Variants in PCDHA2 observed in about 807,000 individuals in gnomAD.
PCDHA2 encodes the protein protocadherin alpha-2.
PCDHA2 carries 58 observed loss-of-function variants against 66.0 expected under a neutral mutation model. The ratio of observed to expected loss-of-function variants is 0.88; its 90% confidence interval spans 0.71 to 1.09. The LOEUF (loss-of-function observed/expected upper bound fraction) is 1.09. Ranked by LOEUF, PCDHA2 falls within the 50% of genes least tolerant of loss-of-function variation. The pLI, the probability that PCDHA2 is intolerant of heterozygous loss-of-function variation, is 0.00. For missense variants in PCDHA2, 1,267 were observed against 1,242.3 expected, an observed-to-expected ratio of 1.02 and a Z score of -0.30; for synonymous variants, 634 against 554.0, an observed-to-expected ratio of 1.14 and a Z score of -2.03.
Position 140,877,800 on chromosome 5 carries a change from T to G in PCDHA2, c.2388+80448T>G. 2.5e-6 allele frequency: 4 copies of G among 1,613,522 alleles called. No homozygotes were observed. In the Middle Eastern group the frequency reaches 5.0e-4, roughly 200 times the overall value. On this transcript the variant is annotated intron_variant, in intron 1 of 3. Transcript: ENST00000526136. ...ACCTCATGGCCTTCAGCCCAAGCCT[T>G]CAGCTGTCTCGAGAAGATTGTTTAA...
chr5:140,848,093 T>G, intron 1 of PCDHA2: 1 of 167,516 alleles, frequency 6.0e-6, no homozygotes, highest in South Asian at 1.6e-4. Context: ...AAGTGGAGAG[T>G]TTTCTCAGGG....
At chr5:140,942,663 A>G (rs2153659608) in intron 1 of PCDHA2, among the ~76,000 whole-genome samples, 1 of 152,294 alleles carries the variant, frequency 6.6e-6, no homozygotes, top group African/African-American at 2.4e-5. Context: ...AAAAGCAATA[A>G]GCACAAAAGT....
At chr5:140,868,965 G>A (rs2050767308) in intron 1 of PCDHA2, 1 of 1,430,146 alleles carries the variant, frequency 7.0e-7, no homozygotes, top group Non-Finnish European at 9.4e-7. Flanking sequence ...CCATACAAAG[G>A]AACTCCATCA....
At chr5:140,941,259 T>TTCTTTCTTTCTTTCTTTC (rs2092988682) in intron 1 of PCDHA2, among the ~76,000 whole-genome samples, 1 of 121,734 alleles carries the variant, frequency 8.2e-6, no homozygotes, top group Non-Finnish European at 1.8e-5. Flanking sequence ...TTCTTTCTCT[T>TTCTTTCTTTCTTTCTTTC]TCTTTCTTTC....
chr5:140,922,790 C>G (rs1174493923), intron 1 of PCDHA2, among the ~76,000 whole-genome samples: 3 of 152,074 alleles, frequency 2.0e-5, no homozygotes, highest in African/African-American at 7.2e-5. Flanking sequence ...AAAACTGTAG[C>G]TTTGGAATAC....
At chr5:140,930,993 C>T (rs1275430453) in intron 1 of PCDHA2, among the ~76,000 whole-genome samples, 1 of 152,140 alleles carries the variant, frequency 6.6e-6, no homozygotes, top group African/African-American at 2.4e-5. Flanking sequence ...TCATGACCTA[C>T]ACTAATAACA....
intron 1 of PCDHA2, among the ~76,000 whole-genome samples, chr5:140,800,565 T>A (rs1332070290): frequency 2.0e-5 from 3 of 152,018 alleles, no homozygotes; most frequent in African/African-American, 7.2e-5. Flanking sequence ...AAAATGTAAC[T>A]TGGGTGGTAA....
At chr5:140,842,527 G>T in intron 1 of PCDHA2, 1 of 1,613,310 alleles carries the variant, frequency 6.2e-7, no homozygotes, top group Non-Finnish European at 8.5e-7. Flanking sequence ...CCACCTTCAA[G>T]AATTACTACT....
chr5:140,796,833 C>T lies in PCDHA2; in HGVS notation c.1869C>T (p.Arg623=), dbSNP rs1554120147. ...LGTGSARIPF[R]VGLYTGEIST... Reference sequence around the variant, plus strand: ...CTGGCAGCGCTCGCATCCCGTTCCGCGTGGGGCTATACACGGGTGAGATCA... The same window carrying T: ...CTGGCAGCGCTCGCATCCCGTTCCGTGTGGGGCTATACACGGGTGAGATCA... The change falls in exon 1 of 4, where the codon CGC becomes CGT. Residue 623 remains arginine, a synonymous_variant. Coordinates refer to ENST00000526136, the MANE Select transcript of PCDHA2 (RefSeq NM_018905.3). 1.2e-6 allele frequency: 2 copies of T among 1,614,110 alleles called. No homozygotes were observed. The highest frequency in any genetic ancestry group is 2.2e-5 in the South Asian group (2 of 91,078).
In PCDHA2 at chr5:140,808,910, G is replaced by A. The variant is rs782513861; in HGVS notation, c.2388+11558G>A. ...AGCGCCTCGGGCGGGTGGCACTGGT[G>A]GCGCAGTGAGCGAGCTGGTGCCATG... is the stretch of plus-strand genomic sequence containing the variant. On this transcript the variant is annotated intron_variant, in intron 1 of 3. Transcript: ENST00000526136. The A allele has an allele frequency of 4.3e-6, 7 of 1,613,580 alleles. No individual in the cohort carries two copies. In the East Asian group the frequency reaches 1.6e-4, roughly 36 times the overall value.
At chr5:140,950,997 A>G (rs782438146) in intron 1 of PCDHA2, among the ~76,000 whole-genome samples, 6 of 151,460 alleles carry the variant, frequency 4.0e-5, no homozygotes, top group Non-Finnish European at 7.4e-5. Flanking sequence ...TTTTAGCTCC[A>G]TTTTTCCCAA....
intron 3 of PCDHA2, among the ~76,000 whole-genome samples, chr5:140,994,116 T>C: frequency 6.6e-6 from 1 of 152,196 alleles, no homozygotes; most frequent in East Asian, 1.9e-4. Context: ...CATTGTCATG[T>C]GATAAGGGCG....
At chr5:140,924,209 A>T (rs1470255016) in intron 1 of PCDHA2, among the ~76,000 whole-genome samples, 1 of 152,242 alleles carries the variant, frequency 6.6e-6, no homozygotes, top group Non-Finnish European at 1.5e-5. Flanking sequence ...AAATTTGGTG[A>T]AGAATAAGTT....
chr5:140,912,723 A>C (rs781874290), intron 1 of PCDHA2, among the ~76,000 whole-genome samples: 21 of 152,256 alleles, frequency 1.4e-4, no homozygotes, highest in Admixed American at 1.1e-3. Context: ...TCCATTCAAT[A>C]TGATGTTGGC....
At chr5:141,004,434 G>T (rs1383958111) in intron 3 of PCDHA2, among the ~76,000 whole-genome samples, 2 of 152,186 alleles carry the variant, frequency 1.3e-5, no homozygotes, top group Non-Finnish European at 2.9e-5. Flanking sequence ...TGGAGTTTAG[G>T]CTGAGTCATA....
chr5:140,803,149 T>A, intron 1 of PCDHA2: 2 of 1,613,856 alleles, frequency 1.2e-6, no homozygotes, highest in Non-Finnish European at 1.7e-6. Context: ...CTGGTGCTGG[T>A]GAAGGACCAC....
intron 1 of PCDHA2, among the ~76,000 whole-genome samples, chr5:140,894,946 A>G (rs1463727802): frequency 6.6e-6 from 1 of 152,206 alleles, no homozygotes; most frequent in African/African-American, 2.4e-5. Flanking sequence ...ATTGTCATGA[A>G]ATGATAAAAA....
At chr5:140,946,032 A>C (rs1440402875) in intron 1 of PCDHA2, among the ~76,000 whole-genome samples, 2 of 152,102 alleles carry the variant, frequency 1.3e-5, no homozygotes, top group Admixed American at 1.3e-4. Flanking sequence ...AGAAAACAAG[A>C]GTGAAGGGAC....
At chr5:140,991,919 A>T (rs185947527) in intron 3 of PCDHA2, among the ~76,000 whole-genome samples, 96 of 152,274 alleles carry the variant, frequency 6.3e-4, no homozygotes, top group Admixed American at 1.2e-3. Flanking sequence ...GCCATGTAAC[A>T]TAACATATTC....
Sources: gnomAD v4.1 joint callset for allele counts (sites outside exome capture counted in the v4.1 genomes callset) on GRCh38, gnomAD v4.1.1 for gene constraint, MANE v1.5 for transcripts, NCBI Gene and HGNC (gene_info 2026-07-23, HGNC 2026-07-21) for gene names.